The following GRIA1 variants were observed in gnomAD, a reference collection of about 807,000 sequenced individuals.
GRIA1 encodes the protein glutamate receptor 1.
GRIA1 carries 31 observed loss-of-function variants against 99.2 expected under a neutral mutation model. The ratio of observed to expected loss-of-function variants is 0.31; its 90% CI spans 0.23 to 0.42. GRIA1 has a LOEUF of 0.42. GRIA1 is among the 10% of genes least tolerant of loss of function. The pLI, the probability that GRIA1 is intolerant of heterozygous loss-of-function variation, is 1.00. For missense variants in GRIA1, 782 were observed against 1,157.5 expected (o/e 0.68, Z 4.71); for synonymous variants, 438 against 432.4 (o/e 1.01, Z -0.16).
chr5:153,751,234 G>A (rs1338264582), intron 11 of GRIA1, among the ~76,000 whole-genome samples: 1 of 152,242 alleles, frequency 6.6e-6, no homozygotes, highest in Non-Finnish European at 1.5e-5. Context: ...AACAATGACA[G>A]TGCCCTCTGC....
chr5:153,490,633 C>G (rs1753827633), upstream of GRIA1: 9 of 535,130 alleles, frequency 1.7e-5, no homozygotes, highest in South Asian at 1.7e-4. Context: ...AGCCAGCGCT[C>G]CAGCTAGCAT....
rs188819530 is a variant in GRIA1 at position 153,540,366 on chromosome 5, T to C, written c.220+46301T>C. ...TTAACTCTTCATATCCTGGATGCCCTGGATTGAGATCTGAGTCTATGACAT... is the reference window on the plus strand; with the variant it reads ...TTAACTCTTCATATCCTGGATGCCCCGGATTGAGATCTGAGTCTATGACAT... On this transcript the variant is annotated intron_variant, in intron 2 of 15. Coordinates refer to ENST00000285900, the MANE Select transcript of GRIA1 (RefSeq NM_000827.4). 1.8e-3 allele frequency among the ~76,000 whole-genome samples: 274 copies of C among 152,334 alleles called. 2 individuals are homozygous for C. The highest frequency in any genetic ancestry group is 6.1e-3 in the African/African-American group (252 of 41,580).
At chr5:153,723,356 A>C (rs199992420) in intron 11 of GRIA1, among the ~76,000 whole-genome samples, 1 of 152,116 alleles carries the variant, frequency 6.6e-6, no homozygotes, top group Admixed American at 6.5e-5. Flanking sequence ...CTGAGGTACC[A>C]GGTTCATCTC....
chr5:153,593,800 C>T (rs1249514584), intron 2 of GRIA1, among the ~76,000 whole-genome samples: 1 of 152,294 alleles, frequency 6.6e-6, no homozygotes, highest in Middle Eastern at 3.4e-3. Context: ...CTGGGACCAA[C>T]ACTTTTCGCT....
chr5:153,605,679 G>A (rs1765377980), intron 2 of GRIA1, among the ~76,000 whole-genome samples: 1 of 152,104 alleles, frequency 6.6e-6, no homozygotes, highest in African/African-American at 2.4e-5. Flanking sequence ...TAGCCCTCCT[G>A]GTGGGGGTGT....
At chr5:153,575,902 A>G (rs192402064) in intron 2 of GRIA1, among the ~76,000 whole-genome samples, 1 of 152,350 alleles carries the variant, frequency 6.6e-6, no homozygotes, top group East Asian at 1.9e-4. Flanking sequence ...GACCTTGTAT[A>G]CAACAGGTTC....
chr5:153,699,092 G>A lies in GRIA1; in HGVS notation c.1452+19G>A. ...CTATGGAGTAAGTTCACTGCAGGGT[G>A]GGAAATTAGAGGGCGGAGGCAGAGG... On this transcript the variant is annotated intron_variant, in intron 10 of 15. Coordinates refer to ENST00000285900, the MANE Select transcript of GRIA1 (RefSeq NM_000827.4). 6.3e-7 allele frequency: 1 copy of A among 1,578,224 alleles called. No homozygotes were observed. The highest frequency in any genetic ancestry group is 8.7e-7 in the Non-Finnish European group (1 of 1,148,308).
chr5:153,567,620 C>A (rs1761760279), intron 2 of GRIA1, among the ~76,000 whole-genome samples: 1 of 151,872 alleles, frequency 6.6e-6, no homozygotes, highest in South Asian at 2.1e-4. Context: ...AGAGAAAAAT[C>A]ACTCTCAATT....
intron 2 of GRIA1, among the ~76,000 whole-genome samples, chr5:153,555,820 T>C (rs747084365): frequency 3.9e-5 from 6 of 152,204 alleles, no homozygotes; most frequent in Non-Finnish European, 8.8e-5. Context: ...AGTCGAATCA[T>C]TTGATCCAAC....
intron 2 of GRIA1, among the ~76,000 whole-genome samples, chr5:153,546,387 G>T (rs1331489524): frequency 6.6e-6 from 1 of 152,104 alleles, no homozygotes; most frequent in Non-Finnish European, 1.5e-5. Flanking sequence ...TTTTGGAAGT[G>T]CTTTGTTACC....
intron 2 of GRIA1, among the ~76,000 whole-genome samples, chr5:153,510,936 G>A (rs1201919836): frequency 6.6e-6 from 1 of 152,126 alleles, no homozygotes; most frequent in Non-Finnish European, 1.5e-5. Flanking sequence ...GGAGCATTGG[G>A]GGTGATGAGG....
At chr5:153,627,224 A>G (rs1326437274) in intron 2 of GRIA1, among the ~76,000 whole-genome samples, 2 of 152,218 alleles carry the variant, frequency 1.3e-5, no homozygotes, top group African/African-American at 4.8e-5. Flanking sequence ...AGGGCCAGGA[A>G]CTGTGCAAAA....
In GRIA1 at chr5:153,705,920, G is replaced by A. The variant is rs776137950; in HGVS notation, c.1676G>A (p.Arg559His). 2.9e-5 allele frequency: 46 copies of A among 1,613,730 alleles called. No homozygotes were observed. The highest frequency in any genetic ancestry group is 3.7e-5 in the Non-Finnish European group (44 of 1,179,966). The change falls in exon 11 of 16, where the codon CGC becomes CAC. Residue 559 changes from arginine (R) to histidine (H), a missense_variant. Physicochemically the swap from Arg to His is conservative, Grantham distance 29. Around this residue, in one of 5 missense-constraint regions of GRIA1, gnomAD observed 39 missense variants for 43.5 expected, o/e 0.90. Coordinates refer to ENST00000285900, the MANE Select transcript of GRIA1 (RefSeq NM_000827.4). ...AGTGTTGTCCTCTTCCTGGTCAGCC[G>A]CTTCAGTCCCTATGAATGGCACAGT... Reference protein sequence around the residue: ...GVSVVLFLVSRFSPYEWHSEE... With the variant: ...GVSVVLFLVSHFSPYEWHSEE...
chr5:153,572,717 T>A (rs1015706134), intron 2 of GRIA1, among the ~76,000 whole-genome samples: 8 of 152,174 alleles, frequency 5.3e-5, no homozygotes, highest in African/African-American at 1.9e-4. Context: ...GGAGGATGAT[T>A]GTGAGATGCA....
chr5:153,810,895 C>A, intron 15 of GRIA1, 130 bp from the exon 16 acceptor site: 2 of 686,086 alleles, frequency 2.9e-6, no homozygotes. Flanking sequence ...TCAGAATTAG[C>A]GTTGTAGAAT....
intron 13 of GRIA1, among the ~76,000 whole-genome samples, chr5:153,785,259 A>C (rs1764899604): frequency 6.6e-6 from 1 of 152,192 alleles, no homozygotes; most frequent in Non-Finnish European, 1.5e-5. Context: ...AATCCAGTGC[A>C]AGCAAATTCT....
intron 11 of GRIA1, among the ~76,000 whole-genome samples, chr5:153,756,643 G>A (rs1230980456): frequency 3.3e-5 from 5 of 152,084 alleles, no homozygotes; most frequent in African/African-American, 7.2e-5. Context: ...TCCAGTACCC[G>A]CCTTGACTCT....
chr5:153,520,003 A>C (rs758242967), intron 2 of GRIA1, among the ~76,000 whole-genome samples: 4 of 152,162 alleles, frequency 2.6e-5, no homozygotes, highest in Non-Finnish European at 4.4e-5. Flanking sequence ...CAAAGTAAAG[A>C]GATGTATCTG....
chr5:153,680,078 A>C (rs1368813830), intron 7 of GRIA1, among the ~76,000 whole-genome samples: 1 of 152,134 alleles, frequency 6.6e-6, no homozygotes, highest in Non-Finnish European at 1.5e-5. Flanking sequence ...GCTAGTGGTA[A>C]AGTTGGGACT....
Sources: gnomAD v4.1 joint callset for allele counts (sites outside exome capture counted in the v4.1 genomes callset) on GRCh38, gnomAD v4.1.1 for gene constraint, gnomAD v4.1.1 regional missense constraint, MANE v1.5 for transcripts, NCBI Gene and HGNC (gene_info 2026-07-23, HGNC 2026-07-21) for gene names.